PCDH9: variants seen among roughly 807,000 people sequenced by gnomAD.
The protein encoded by PCDH9 is protocadherin-9.
In PCDH9, 24 loss-of-function variants were observed where a neutral mutation model predicts 70.6. The observed-to-expected ratio is 0.34, with a 90% CI of 0.25 to 0.48. PCDH9 has a LOEUF of 0.48. Ranked by LOEUF, PCDH9 falls within the 20% of genes least tolerant of loss-of-function variation. The pLI is 0.99. For missense variants in PCDH9, 1,281 were observed against 1,503.6 expected (o/e 0.85, Z 2.45); for synonymous variants, 562 against 558.5 (o/e 1.01, Z -0.09).
chr13:66,918,635 A>T (rs189567798), intron 2 of PCDH9, among the ~76,000 whole-genome samples: 1 of 151,198 alleles, frequency 6.6e-6, no homozygotes, highest in African/African-American at 2.4e-5. Flanking sequence ...TTGTAAAAAA[A>T]TAGAGAAGTA....
chr13:66,543,819 TTG>T (rs1961069055), intron 4 of PCDH9, among the ~76,000 whole-genome samples: 1 of 152,138 alleles, frequency 6.6e-6, no homozygotes, highest in African/African-American at 2.4e-5. Context: ...TACAAGAGCT[TTG>T]TCTCTAAGCA....
intron 3 of PCDH9, among the ~76,000 whole-genome samples, chr13:66,703,730 T>A (rs544155322): frequency 1.8e-3 from 267 of 148,018 alleles, no homozygotes; most frequent in African/African-American, 6.2e-3. Flanking sequence ...CCCCCGTCTC[T>A]AAAAAAAAAA....
chr13:67,045,354 T>G (rs117249901), intron 2 of PCDH9, among the ~76,000 whole-genome samples: 1,680 of 152,236 alleles, frequency 0.011, 13 homozygotes, highest in Middle Eastern at 0.051. Context: ...ATTGTACAAT[T>G]TCCTTTCAGT....
chr13:66,473,680 C>T (rs1289799717), intron 4 of PCDH9, among the ~76,000 whole-genome samples: 1 of 152,128 alleles, frequency 6.6e-6, no homozygotes, highest in African/African-American at 2.4e-5. Context: ...CTTACCTATA[C>T]AAAATATCTT....
chr13:66,897,241 A>G (rs1240183032), intron 3 of PCDH9, among the ~76,000 whole-genome samples: 1 of 151,592 alleles, frequency 6.6e-6, no homozygotes, highest in African/African-American at 2.4e-5. Context: ...AAGAAAGGAA[A>G]GGAGGGAGGG....
intron 4 of PCDH9, among the ~76,000 whole-genome samples, chr13:66,384,707 CA>C (rs1956900267): frequency 6.6e-6 from 1 of 152,202 alleles, no homozygotes; most frequent in African/African-American, 2.4e-5. Context: ...CTCTGACACT[CA>C]GGCTGGAGTG....
chr13:66,792,621 A>G (rs1301999361), intron 3 of PCDH9, among the ~76,000 whole-genome samples: 1 of 152,180 alleles, frequency 6.6e-6, no homozygotes, highest in Non-Finnish European at 1.5e-5. Context: ...GTGAGTCAAG[A>G]TGGTGCCATT....
At chr13:67,061,854 C>T (rs1034018295) in intron 2 of PCDH9, among the ~76,000 whole-genome samples, 2 of 152,094 alleles carry the variant, frequency 1.3e-5, no homozygotes, top group African/African-American at 4.8e-5. Context: ...TTTCTTGAAT[C>T]GTCTTTTGGG....
chr13:67,225,539 G>T lies in PCDH9; in HGVS notation c.2902C>A (p.Pro968Thr). The change falls in exon 2 of 5, where the codon CCT becomes ACT. Residue 968 changes from proline to threonine, a missense_variant. Transcript: ENST00000377865. ...VKKHHVIQELPLDNTFVGGCD... is the reference protein window; with the variant it reads ...VKKHHVIQELTLDNTFVGGCD... ...CCCCCAACAAAGGTGTTGTCCAAAGGGAGTTCCTGAATCACGTGGTGCTTT... is the reference window on the plus strand; with the variant it reads ...CCCCCAACAAAGGTGTTGTCCAAAGTGAGTTCCTGAATCACGTGGTGCTTT... The T allele has an allele frequency of 1.2e-6, 2 of 1,614,120 alleles. No individual in the cohort carries two copies. Among genetic ancestry groups the T allele is most frequent in the Non-Finnish European group, 1.7e-6 (2 of 1,180,018 alleles).
intron 3 of PCDH9, among the ~76,000 whole-genome samples, chr13:66,881,964 T>C (rs2081928521): frequency 6.6e-6 from 1 of 152,330 alleles, no homozygotes; most frequent in Admixed American, 6.5e-5. Flanking sequence ...CATTATTTTA[T>C]GTATAAACTA....
chr13:66,704,036 T>A (rs563059659), intron 3 of PCDH9, among the ~76,000 whole-genome samples: 1 of 152,352 alleles, frequency 6.6e-6, no homozygotes, highest in South Asian at 2.1e-4. Context: ...CGTGGTTCAT[T>A]CTTTCCTTTA....
intron 3 of PCDH9, among the ~76,000 whole-genome samples, chr13:66,764,812 G>A (rs888743905): frequency 2.0e-5 from 3 of 151,418 alleles, no homozygotes; most frequent in African/African-American, 7.3e-5. Context: ...CTGAGTTATT[G>A]GTATTTTTCA....
At chr13:66,697,430 G>A (rs1210892782) in intron 3 of PCDH9, among the ~76,000 whole-genome samples, 1 of 152,042 alleles carries the variant, frequency 6.6e-6, no homozygotes, top group Non-Finnish European at 1.5e-5. Flanking sequence ...AATGGCTGGG[G>A]CATTATTTAT....
At chr13:67,194,103 A>G (rs2088993005) in intron 2 of PCDH9, among the ~76,000 whole-genome samples, 1 of 152,120 alleles carries the variant, frequency 6.6e-6, no homozygotes, top group South Asian at 2.1e-4. Context: ...TGAGAAGAAA[A>G]CTTTGTTTGG....
At chr13:66,477,803 G>T (rs1223881974) in intron 4 of PCDH9, among the ~76,000 whole-genome samples, 1 of 152,130 alleles carries the variant, frequency 6.6e-6, no homozygotes, top group Non-Finnish European at 1.5e-5. Flanking sequence ...TAAAAATCAT[G>T]CTTTATCTAT....
At chr13:66,707,518 G>A (rs183521774) in intron 3 of PCDH9, among the ~76,000 whole-genome samples, 61 of 152,312 alleles carry the variant, frequency 4.0e-4, no homozygotes, top group African/African-American at 1.3e-3. Context: ...ACTTTTAGAT[G>A]TTCATGCCGA....
Position 66,872,736 on chromosome 13 carries a change from T to C in PCDH9, c.3138+30768A>G, listed in dbSNP as rs192631477. Reference sequence around the variant, plus strand: ...TAGGTCAAATTCTGTGGGATTCAACTTGCAAGTCTTTGAAATTAAATAGAT... The same window carrying C: ...TAGGTCAAATTCTGTGGGATTCAACCTGCAAGTCTTTGAAATTAAATAGAT... On this transcript the variant is annotated intron_variant, in intron 3 of 4. Transcript: ENST00000377865. Among the ~76,000 whole-genome samples, 130 of 152,290 alleles carry C rather than the reference T, an allele frequency of 8.5e-4. 1 individual carries two copies. The East Asian group carries it at 0.024, about 28-fold the overall frequency.
intron 2 of PCDH9, among the ~76,000 whole-genome samples, chr13:67,161,115 G>T (rs1176125948): frequency 6.6e-6 from 1 of 152,134 alleles, no homozygotes; most frequent in Non-Finnish European, 1.5e-5. Context: ...TAACAATCCA[G>T]GTGTCTGGAG....
intron 2 of PCDH9, among the ~76,000 whole-genome samples, chr13:67,131,545 T>G (rs1485734112): frequency 6.6e-6 from 1 of 152,188 alleles, no homozygotes; most frequent in Non-Finnish European, 1.5e-5. Flanking sequence ...TACAATTTGT[T>G]GCTTCTAAAA....
Sources: allele counts gnomAD v4.1 joint callset (sites outside exome capture counted in the v4.1 genomes callset), GRCh38; gene constraint gnomAD v4.1.1; transcripts MANE v1.5; gene names NCBI Gene and HGNC (gene_info 2026-07-23, HGNC 2026-07-21).